RNF157: variants seen among roughly 807,000 people sequenced by gnomAD.
RNF157 encodes ring finger protein 157, also known as E3 ubiquitin ligase RNF157.
RNF157 carries 55 observed loss-of-function variants against 88.3 expected under a neutral mutation model. The observed-to-expected ratio is 0.62, with a 90% CI of 0.50 to 0.78. The LOEUF is 0.78. RNF157 is among the 30% of genes least tolerant of loss of function. The probability of loss-of-function intolerance (pLI) is 0.00; values close to 1 mark genes in which losing one functional copy is unlikely to be tolerated. For synonymous variants in RNF157, 334 were observed against 341.2 expected (o/e 0.98, Z 0.23); for missense variants, 788 against 860.8 (o/e 0.92, Z 1.06).
chr17:76,165,399 G>C, intron 7 of RNF157, 103 bp downstream of exon 7: 1 of 1,172,764 alleles, frequency 8.5e-7, no homozygotes, highest in South Asian at 1.2e-5. Context: ...TCTAAAGCCA[G>C]ACCCATTCTG....
chr17:76,198,956 G>A (rs1301572362), intron 2 of RNF157, among the ~76,000 whole-genome samples: 1 of 152,180 alleles, frequency 6.6e-6, no homozygotes, highest in African/African-American at 2.4e-5. Flanking sequence ...TCTGCTCATG[G>A]GCCCTCCTCC....
rs997155732 is a variant in RNF157 at position 76,190,397 on chromosome 17, C to T, written c.208-16607G>A. On this transcript the variant is annotated intron_variant, in intron 2 of 18. Transcript: ENST00000269391. ...GGCCAGGCTGGCCTCAAACCCCTGG[C>T]CCCAAGTGATCTGCCTGCCTCAGCT... Among the ~76,000 whole-genome samples, 6 of 151,988 alleles carry T rather than the reference C, an allele frequency of 3.9e-5. No homozygotes were observed. The East Asian group carries it at 1.2e-3, about 29-fold the overall frequency.
intron 1 of RNF157, among the ~76,000 whole-genome samples, chr17:76,231,547 C>T (rs561506711): frequency 1.3e-5 from 2 of 152,228 alleles, no homozygotes; most frequent in Admixed American, 1.3e-4. Flanking sequence ...ATCTTCTGGC[C>T]TTGGCCTCCC....
intron 5 of RNF157, 126 bp from the exon 6 acceptor site, chr17:76,166,653 C>T: frequency 1.3e-6 from 1 of 792,826 alleles, no homozygotes; most frequent in Non-Finnish European, 2.0e-6. Flanking sequence ...ATTCTTTAGC[C>T]TTGTTAATTA....
chr17:76,201,821 T>A (rs2069583852), intron 2 of RNF157, among the ~76,000 whole-genome samples: 1 of 152,164 alleles, frequency 6.6e-6, no homozygotes, highest in South Asian at 2.1e-4. Flanking sequence ...CATAGGCACA[T>A]TATAATTTAT....
chr17:76,226,456 A>T, intron 1 of RNF157: 5 of 1,604,144 alleles, frequency 3.1e-6, no homozygotes, highest in Non-Finnish European at 4.3e-6. Context: ...TACAAGTGTC[A>T]TCCAACGTGG....
chr17:76,149,664 T>C (rs1262917421), intron 18 of RNF157, among the ~76,000 whole-genome samples: 1 of 152,136 alleles, frequency 6.6e-6, no homozygotes. Flanking sequence ...GACGTGCTTT[T>C]CCCTCTCAAG....
intron 9 of RNF157, 60 bp from the exon 10 acceptor site, chr17:76,162,062 C>T (rs1342475266): frequency 1.3e-6 from 2 of 1,546,646 alleles, no homozygotes; most frequent in East Asian, 2.3e-5. Flanking sequence ...CCATACTTTA[C>T]TGACAAGGCA....
At chr17:76,200,564 G>T (rs937891070) in intron 2 of RNF157, among the ~76,000 whole-genome samples, 1 of 152,204 alleles carries the variant, frequency 6.6e-6, no homozygotes, top group Non-Finnish European at 1.5e-5. Context: ...AGGCTGGTAG[G>T]AGAGGGAAAT....
At chr17:76,194,787 GGGCA>G (rs1951600532) in intron 2 of RNF157, among the ~76,000 whole-genome samples, 1 of 152,246 alleles carries the variant, frequency 6.6e-6, no homozygotes, top group East Asian at 1.9e-4. Flanking sequence ...AGGCCAAGGT[GGGCA>G]GATCACGAGG....
At chr17:76,216,257 T>G (rs754315440) in intron 1 of RNF157, among the ~76,000 whole-genome samples, 16 of 151,974 alleles carry the variant, frequency 1.1e-4, no homozygotes, top group Admixed American at 2.6e-4. Context: ...TCTGGGGCAG[T>G]AAAAATCCAT....
intron 1 of RNF157, among the ~76,000 whole-genome samples, chr17:76,233,362 G>A (rs1050160698): frequency 3.9e-5 from 6 of 151,982 alleles, no homozygotes; most frequent in African/African-American, 1.2e-4. Flanking sequence ...ACTGTCTTTT[G>A]AGGTGGTAAT....
intron 3 of RNF157, among the ~76,000 whole-genome samples, chr17:76,169,333 T>C (rs1025480055): frequency 6.6e-6 from 1 of 152,194 alleles, no homozygotes; most frequent in African/African-American, 2.4e-5. Context: ...CTTTGTGTCA[T>C]TGTGTCCATG....
chr17:76,210,873 C>T (rs897414995), intron 2 of RNF157, among the ~76,000 whole-genome samples: 10 of 152,104 alleles, frequency 6.6e-5, no homozygotes, highest in African/African-American at 1.7e-4. Flanking sequence ...GGGGCAACCT[C>T]AGCTCACTGC....
chr17:76,174,277 CA>C (rs1186150410), intron 2 of RNF157, among the ~76,000 whole-genome samples: 2 of 152,130 alleles, frequency 1.3e-5, no homozygotes, highest in African/African-American at 2.4e-5. Flanking sequence ...CTGAAGTTTG[CA>C]AACAGTAAAG....
intron 2 of RNF157, among the ~76,000 whole-genome samples, chr17:76,183,857 C>G (rs1186465259): frequency 6.6e-6 from 1 of 151,498 alleles, no homozygotes; most frequent in Non-Finnish European, 1.5e-5. Context: ...AATATGCTTC[C>G]AAAGACAGGA....
chr17:76,179,487 C>A (rs1378129679), intron 2 of RNF157, among the ~76,000 whole-genome samples: 2 of 151,868 alleles, frequency 1.3e-5, no homozygotes, highest in African/African-American at 2.4e-5. Context: ...AGGTCAGGAG[C>A]TTTGAGACCG....
intron 2 of RNF157, among the ~76,000 whole-genome samples, chr17:76,198,051 A>G (rs2069506405): frequency 6.6e-6 from 1 of 152,226 alleles, no homozygotes; most frequent in Non-Finnish European, 1.5e-5. Context: ...CACCCTACAG[A>G]GGACCTGCCC....
intron 2 of RNF157, among the ~76,000 whole-genome samples, chr17:76,194,883 C>T (rs373668247): frequency 4.9e-4 from 75 of 152,112 alleles, no homozygotes; most frequent in East Asian, 1.9e-3. Flanking sequence ...GGCGTGGTGG[C>T]GGGCGCCTGT....
Sources: allele counts gnomAD v4.1 joint callset (sites outside exome capture counted in the v4.1 genomes callset), GRCh38; gene constraint gnomAD v4.1.1; transcripts MANE v1.5; gene names NCBI Gene and HGNC (gene_info 2026-07-23, HGNC 2026-07-21).